The following SNTG1 variants were observed in gnomAD, a reference collection of about 807,000 sequenced individuals.
SNTG1 encodes the protein syntrophin gamma 1.
In SNTG1, 39 loss-of-function variants were observed where a neutral mutation model predicts 74.7. The ratio of observed to expected loss-of-function variants is 0.52; its 90% confidence interval spans 0.40 to 0.68. The LOEUF (loss-of-function observed/expected upper bound fraction) is 0.68, where lower values mean the gene tolerates loss of function less well. Among genes scored for constraint, SNTG1 ranks in the 30% least tolerant of loss-of-function variants. The probability of loss-of-function intolerance (pLI) is 0.00; values close to 1 mark genes in which losing one functional copy is unlikely to be tolerated. For missense variants in SNTG1, 685 were observed against 609.5 expected (o/e 1.12, Z -1.30); for synonymous variants, 254 against 217.1 (o/e 1.17, Z -1.49).
intron 2 of SNTG1, among the ~76,000 whole-genome samples, chr8:50,196,990 G>T (rs2083796149): frequency 2.0e-5 from 3 of 151,388 alleles, no homozygotes; most frequent in Non-Finnish European, 2.9e-5. Flanking sequence ...TCAAAATAAA[G>T]AAAGAAAGAA....
intron 3 of SNTG1, among the ~76,000 whole-genome samples, chr8:50,395,506 G>GTTTTT (rs1554514155): frequency 9.6e-5 from 13 of 135,674 alleles, no homozygotes; most frequent in African/African-American, 2.2e-4. Flanking sequence ...TCTAATTTCT[G>GTTTTT]TTTTTTTTTT....
At chr8:50,462,055 C>T (rs1323219826) in intron 8 of SNTG1, among the ~76,000 whole-genome samples, 2 of 152,022 alleles carry the variant, frequency 1.3e-5, no homozygotes, top group Admixed American at 6.6e-5. Context: ...GTACTCTGCT[C>T]CAATGACAGG....
intron 15 of SNTG1, among the ~76,000 whole-genome samples, chr8:50,658,968 T>G (rs574421025): frequency 6.6e-6 from 1 of 151,532 alleles, no homozygotes; most frequent in African/African-American, 2.4e-5. Context: ...CAGTTGAAAG[T>G]AGTCTGAATT....
chr8:50,714,010 C>G (rs943142614), intron 17 of SNTG1, among the ~76,000 whole-genome samples: 1 of 142,352 alleles, frequency 7.0e-6, no homozygotes, highest in Non-Finnish European at 1.5e-5. Context: ...CATGAGTGGA[C>G]ATCGCACCAC....
intron 1 of SNTG1, among the ~76,000 whole-genome samples, chr8:49,957,471 C>A (rs1206855244): frequency 6.6e-6 from 1 of 152,150 alleles, no homozygotes; most frequent in African/African-American, 2.4e-5. Flanking sequence ...TGAAGTTGGT[C>A]TAGCCTCATG....
chr8:50,322,458 C>T (rs1425926452), intron 2 of SNTG1, among the ~76,000 whole-genome samples: 4 of 152,084 alleles, frequency 2.6e-5, no homozygotes, highest in African/African-American at 9.7e-5. Context: ...CTTTTAGGAT[C>T]TTCTCTGTGT....
At chr8:50,398,172 T>G (rs138953260) in intron 3 of SNTG1, among the ~76,000 whole-genome samples, 56 of 152,312 alleles carry the variant, frequency 3.7e-4, no homozygotes, top group African/African-American at 1.3e-3. Context: ...ATTTTAACTT[T>G]CCCATTTATT....
At chr8:50,330,192 A>C (rs1312876051) in intron 2 of SNTG1, among the ~76,000 whole-genome samples, 1 of 152,140 alleles carries the variant, frequency 6.6e-6, no homozygotes, top group Non-Finnish European at 1.5e-5. Context: ...GTGAGTTCAC[A>C]TGAGATCTGA....
intron 9 of SNTG1, among the ~76,000 whole-genome samples, chr8:50,523,698 T>C (rs1282745705): frequency 6.6e-6 from 1 of 152,134 alleles, no homozygotes; most frequent in African/African-American, 2.4e-5. Context: ...CAGATCACCA[T>C]ACCACGTATA....
intron 17 of SNTG1, among the ~76,000 whole-genome samples, chr8:50,751,047 A>G (rs926295651): frequency 6.6e-6 from 1 of 152,088 alleles, no homozygotes; most frequent in Non-Finnish European, 1.5e-5. Context: ...ATATTTGACT[A>G]TATCAGCTAT....
intron 11 of SNTG1, among the ~76,000 whole-genome samples, chr8:50,544,068 T>G (rs2094368110): frequency 6.6e-6 from 1 of 152,168 alleles, no homozygotes; most frequent in Non-Finnish European, 1.5e-5. Context: ...AAATTCCTTT[T>G]TCTCAACACA....
intron 11 of SNTG1, among the ~76,000 whole-genome samples, chr8:50,545,521 G>T (rs1281958019): frequency 1.3e-5 from 2 of 149,072 alleles, no homozygotes; most frequent in East Asian, 1.9e-4. Context: ...AATTTGAGAA[G>T]TATAATTTTG....
chr8:50,618,077 G>A (rs182848697), intron 13 of SNTG1, among the ~76,000 whole-genome samples: 14 of 152,276 alleles, frequency 9.2e-5, no homozygotes, highest in Middle Eastern at 3.4e-3. Flanking sequence ...GAAAGTGAAA[G>A]ACATTACTTA....
At chr8:49,973,041 A>G (rs1233777575) in intron 1 of SNTG1, among the ~76,000 whole-genome samples, 2 of 152,158 alleles carry the variant, frequency 1.3e-5, no homozygotes, top group Non-Finnish European at 2.9e-5. Context: ...TATAAATCAT[A>G]CTGCTATAAA....
chr8:50,280,969 T>C (rs1586943581), intron 2 of SNTG1, among the ~76,000 whole-genome samples: 2 of 108,712 alleles, frequency 1.8e-5, no homozygotes, highest in South Asian at 5.4e-4. Flanking sequence ...CTGGCTAACA[T>C]GGTGAAACCC....
Position 50,104,973 on chromosome 8 carries a change from T to C in SNTG1, c.-102-67588T>C, listed in dbSNP as rs568785459. On this transcript the variant is annotated intron_variant, in intron 1 of 18. Transcript: ENST00000642720. ...GGATGCAGAATTTGCAAATATTTTCTTCCATTCTGTAGGTTGTCTATTTAC... is the reference window on the plus strand; with the variant it reads ...GGATGCAGAATTTGCAAATATTTTCCTCCATTCTGTAGGTTGTCTATTTAC... 2.0e-5 allele frequency among the ~76,000 whole-genome samples: 3 copies of C among 152,248 alleles called. No homozygotes were observed. The South Asian group carries it at 6.2e-4, about 32-fold the overall frequency.
chr8:50,376,876 C>T (rs1376248375), intron 2 of SNTG1, among the ~76,000 whole-genome samples: 2 of 151,482 alleles, frequency 1.3e-5, no homozygotes, highest in Non-Finnish European at 2.9e-5. Context: ...ACACTTTGAT[C>T]AGTTGTCTTG....
chr8:50,550,197 A>G lies in SNTG1; in HGVS notation c.681-2853A>G, dbSNP rs113628847. On this transcript the variant is annotated intron_variant, in intron 11 of 18. Coordinates refer to ENST00000642720, the MANE Select transcript of SNTG1 (RefSeq NM_018967.5). ...AAATCTAGCCACTCTGGCCCTCTATATGGAGGTGAGCAGTGGTTCCTTGCA... is the reference window on the plus strand; with the variant it reads ...AAATCTAGCCACTCTGGCCCTCTATGTGGAGGTGAGCAGTGGTTCCTTGCA... 7.6e-3 allele frequency among the ~76,000 whole-genome samples: 1,159 copies of G among 152,202 alleles called. 10 individuals carry two copies. Among genetic ancestry groups the G allele is most frequent in the African/African-American group, 0.018 (728 of 41,538 alleles).
intron 1 of SNTG1, among the ~76,000 whole-genome samples, chr8:50,051,525 A>G (rs986262632): frequency 1.3e-5 from 2 of 152,232 alleles, no homozygotes; most frequent in Admixed American, 6.6e-5. Flanking sequence ...TAAAATAACC[A>G]AAATTTATTG....
Sources: allele counts gnomAD v4.1 joint callset (sites outside exome capture counted in the v4.1 genomes callset), GRCh38; gene constraint gnomAD v4.1.1; transcripts MANE v1.5; gene names NCBI Gene and HGNC (gene_info 2026-07-23, HGNC 2026-07-21).